RPS6KA2: variants seen among roughly 807,000 people sequenced by gnomAD.
The protein encoded by RPS6KA2 is ribosomal protein S6 kinase A2.
In RPS6KA2, 42 loss-of-function variants were observed where a neutral mutation model predicts 91.8. The ratio of observed to expected loss-of-function variants is 0.46; its 90% CI spans 0.36 to 0.59. RPS6KA2 has a LOEUF of 0.59. Ranked by LOEUF, RPS6KA2 falls within the 20% of genes least tolerant of loss-of-function variation. The pLI, the probability that RPS6KA2 is intolerant of heterozygous loss-of-function variation, is 0.00. For missense variants in RPS6KA2, 798 were observed against 978.5 expected, an observed-to-expected ratio of 0.82 and a Z score of 2.46; for synonymous variants, 414 against 393.6, an observed-to-expected ratio of 1.05 and a Z score of -0.61.
Position 166,803,279 on chromosome 6 carries a change from T to A in RPS6KA2, c.123+54921A>T, listed in dbSNP as rs562602768. ...TTTGTTACCTGAACAGGTTTGTAAT[T>A]GCATCAAATGTATGCAAAAATTGAC... On this transcript the variant is annotated intron_variant, in intron 2 of 21. Transcript: ENST00000503859. 2.7e-4 allele frequency among the ~76,000 whole-genome samples: 41 copies of A among 152,368 alleles called. 2 individuals carry two copies. The South Asian group carries it at 7.5e-3, about 28-fold the overall frequency.
chr6:166,570,306 C>A (rs923147003), intron 1 of RPS6KA2, among the ~76,000 whole-genome samples: 1 of 152,198 alleles, frequency 6.6e-6, no homozygotes, highest in Admixed American at 6.5e-5. Flanking sequence ...CAAAGAGAGG[C>A]ACAAGATGGG....
intron 2 of RPS6KA2, among the ~76,000 whole-genome samples, chr6:166,780,519 C>T (rs550669583): frequency 1.1e-4 from 16 of 152,268 alleles, no homozygotes; most frequent in Non-Finnish European, 1.6e-4. Flanking sequence ...TTGTTTAAGT[C>T]GCCCAGTCTC....
In RPS6KA2 at chr6:166,618,827, T is replaced by A. The variant is rs1786511149; in HGVS notation, c.99+8094A>T. On this transcript the variant is annotated intron_variant, in intron 1 of 20. Coordinates refer to ENST00000265678, the MANE Select transcript of RPS6KA2 (RefSeq NM_021135.6). The stretch of plus-strand genomic sequence containing the variant: ...CCCTCCATCAGTTGTTGTTCTGCTG[T>A]CATGAGCCTTGACACCGCAGTACGA... Among the ~76,000 whole-genome samples the A allele has an allele frequency of 3.3e-5, 5 of 152,200 alleles. No homozygotes were observed. The South Asian group carries it at 1.0e-3, about 32-fold the overall frequency.
intron 3 of RPS6KA2, among the ~76,000 whole-genome samples, chr6:166,512,765 C>T (rs1031967782): frequency 6.6e-6 from 1 of 152,234 alleles, no homozygotes; most frequent in African/African-American, 2.4e-5. Context: ...CCTGGGGCTG[C>T]CTAAGAAACC....
intron 3 of RPS6KA2, among the ~76,000 whole-genome samples, chr6:166,529,869 T>C (rs1476813599): frequency 2.0e-5 from 3 of 152,232 alleles, no homozygotes; most frequent in Non-Finnish European, 4.4e-5. Flanking sequence ...CTGCATTTTC[T>C]TACCATTGGT....
chr6:166,413,064 G>C (rs1232460540), intron 20 of RPS6KA2, among the ~76,000 whole-genome samples, 177 bp from the exon 21 acceptor site: 1 of 152,082 alleles, frequency 6.6e-6, no homozygotes, highest in Non-Finnish European at 1.5e-5. Flanking sequence ...AGCACACGTG[G>C]GCCCCAGGAG....
chr6:166,850,425 G>A (rs1042921201), intron 2 of RPS6KA2, among the ~76,000 whole-genome samples: 2 of 152,064 alleles, frequency 1.3e-5, no homozygotes, highest in Admixed American at 1.3e-4. Flanking sequence ...TGTAATTCTT[G>A]TAAATCAATA....
chr6:166,465,672 T>C lies in RPS6KA2; in HGVS notation c.972+4169A>G, dbSNP rs528401987. Reference sequence around the variant, plus strand: ...CTGCCCCTCTGCTGGTTAATTCCACTCGCCCTCTTTCAGGCATCATTTCTC... The same window carrying C: ...CTGCCCCTCTGCTGGTTAATTCCACCCGCCCTCTTTCAGGCATCATTTCTC... On this transcript the variant is annotated intron_variant, in intron 11 of 20. Coordinates refer to ENST00000265678, the MANE Select transcript of RPS6KA2 (RefSeq NM_021135.6). 3.3e-5 allele frequency among the ~76,000 whole-genome samples: 5 copies of C among 152,330 alleles called. No homozygotes were observed. The South Asian group carries it at 1.0e-3, about 32-fold the overall frequency.
At chr6:166,644,526 G>A (rs1787548157) in intron 2 of RPS6KA2, among the ~76,000 whole-genome samples, 1 of 152,116 alleles carries the variant, frequency 6.6e-6, no homozygotes, top group African/African-American at 2.4e-5. Context: ...AACTGCTTTA[G>A]CTAAACCTCC....
chr6:166,412,593 A>C lies in RPS6KA2; in HGVS notation c.*169T>G, dbSNP rs1446445912. 1 of 627,646 alleles carries C rather than the reference A, an allele frequency of 1.6e-6. No individual in the cohort carries two copies. Among genetic ancestry groups the C allele is most frequent in the African/African-American group, 1.9e-5 (1 of 53,346 alleles). 38.9% of individuals were successfully genotyped at this position (627,646 alleles called of 1,614,324 possible). On this transcript the variant is annotated 3_prime_UTR_variant, in exon 21 of 21. Coordinates refer to ENST00000265678, the MANE Select transcript of RPS6KA2 (RefSeq NM_021135.6). This position sits in a 1 kb window ranked among gnomAD's most constrained non-coding sequence, Gnocchi z 4.3. ...CGCAGTGAGGCTTGGAGAAGCCCCC[A>C]GGTCAGGACCCTCTCCGGGGCTGAA... is the stretch of plus-strand genomic sequence containing the variant.
intron 1 of RPS6KA2, among the ~76,000 whole-genome samples, chr6:166,555,572 A>G (rs1443882474): frequency 6.6e-6 from 1 of 151,794 alleles, no homozygotes; most frequent in Non-Finnish European, 1.5e-5. Flanking sequence ...GGGGAGGTGG[A>G]TTTGAGGTTT....
At chr6:166,717,538 G>T (rs1015755391) in intron 2 of RPS6KA2, among the ~76,000 whole-genome samples, 5 of 152,218 alleles carry the variant, frequency 3.3e-5, no homozygotes, top group African/African-American at 1.2e-4. Flanking sequence ...AAACTGGGAT[G>T]TTAACAGGGA....
intron 2 of RPS6KA2, among the ~76,000 whole-genome samples, chr6:166,536,908 A>G (rs919831226): frequency 6.6e-6 from 1 of 152,256 alleles, no homozygotes; most frequent in Non-Finnish European, 1.5e-5. Flanking sequence ...TATCATTCCA[A>G]CGGGATTCTG....
At chr6:166,587,324 A>G (rs1442486581) in intron 1 of RPS6KA2, among the ~76,000 whole-genome samples, 1 of 152,188 alleles carries the variant, frequency 6.6e-6, no homozygotes, top group African/African-American at 2.4e-5. Flanking sequence ...AGAGATTCGT[A>G]TCTGCTTTTC....
chr6:166,534,271 A>G (rs73255165), intron 2 of RPS6KA2, among the ~76,000 whole-genome samples: 7,657 of 146,972 alleles, frequency 0.052, 663 homozygotes, highest in African/African-American at 0.18. Context: ...AAATTAGTTG[A>G]GTGTGGTGGT....
chr6:166,712,588 G>A (rs373078158), intron 2 of RPS6KA2, among the ~76,000 whole-genome samples: 8 of 152,284 alleles, frequency 5.3e-5, no homozygotes, highest in African/African-American at 1.9e-4. Context: ...ACGCACGGAC[G>A]GGCTGTGGCA....
intron 3 of RPS6KA2, among the ~76,000 whole-genome samples, chr6:166,519,695 A>G (rs950303966): frequency 6.6e-6 from 1 of 152,204 alleles, no homozygotes; most frequent in Admixed American, 6.5e-5. Context: ...ACTTTGTGAG[A>G]TTATCCTGGC....
In RPS6KA2 at chr6:166,448,931, G is replaced by C; in HGVS notation, c.1207-82C>G. The C allele has an allele frequency of 6.5e-7, 1 of 1,538,468 alleles. No homozygotes were observed. Among genetic ancestry groups the C allele is most frequent in the Non-Finnish European group, 8.9e-7 (1 of 1,125,588 alleles). ...CAGCTACACGCACACAGAATGTGGG[G>C]CGAAGAGAGGCACCGACTGTGAACT... On this transcript the variant is annotated intron_variant, in intron 13 of 20. Transcript: ENST00000265678. The surrounding 1 kb of genome is among the most constrained non-coding windows in gnomAD (Gnocchi z 4.7).
intron 3 of RPS6KA2, among the ~76,000 whole-genome samples, chr6:166,521,707 T>A (rs2187911): frequency 6.6e-6 from 1 of 151,938 alleles, no homozygotes; most frequent in Non-Finnish European, 1.5e-5. Context: ...ACCATATGAT[T>A]TGGATGAGAT....
Sources: allele counts gnomAD v4.1 joint callset (sites outside exome capture counted in the v4.1 genomes callset), GRCh38; gene constraint gnomAD v4.1.1; non-coding constraint Gnocchi (gnomAD v3.1); transcripts MANE v1.5; gene names NCBI Gene and HGNC (gene_info 2026-07-23, HGNC 2026-07-21).